LRP4: variants seen among roughly 807,000 people sequenced by gnomAD.
LRP4 encodes the protein LDL receptor related protein 4.
Under a neutral mutation model 220.3 loss-of-function variants are expected in LRP4, and 95 were observed. The ratio of observed to expected loss-of-function variants is 0.43; its 90% CI spans 0.37 to 0.51. LRP4 has a LOEUF of 0.51. Ranked by LOEUF, LRP4 falls within the 20% of genes least tolerant of loss-of-function variation. The probability of loss-of-function intolerance (pLI) is 0.00; values close to 1 mark genes in which losing one functional copy is unlikely to be tolerated. For missense variants in LRP4, 1,925 were observed against 2,567.0 expected (o/e 0.75, Z 5.40); for synonymous variants, 903 against 954.6 (o/e 0.95, Z 1.00).
intron 34 of LRP4, among the ~76,000 whole-genome samples, chr11:46,866,293 T>C (rs952031075): frequency 1.3e-5 from 2 of 150,608 alleles, no homozygotes; most frequent in African/African-American, 4.9e-5. Context: ...TGTTTTTTGT[T>C]TTTTTTTTGA....
At chr11:46,903,354 G>T (rs1941704013) in intron 1 of LRP4, among the ~76,000 whole-genome samples, 1 of 152,064 alleles carries the variant, frequency 6.6e-6, no homozygotes, top group Admixed American at 6.6e-5. Flanking sequence ...ATTAGCTGAG[G>T]GTAGTGGCAT....
At position 46,899,349 on chromosome 11, in the gene LRP4, T is replaced by A; in HGVS notation, c.547+38A>T. The A allele has an allele frequency of 6.6e-7, 1 of 1,511,282 alleles. No individual in the cohort carries two copies. Among genetic ancestry groups the A allele is most frequent in the Non-Finnish European group, 9.2e-7 (1 of 1,086,428 alleles). 93.6% of individuals were successfully genotyped at this position (1,511,282 alleles called of 1,614,324 possible). A position where few individuals can be genotyped will look rare whatever the true frequency, so the allele number is the denominator to read the frequency against. On this transcript the variant is annotated intron_variant, in intron 5 of 37. Coordinates refer to ENST00000378623, the MANE Select transcript of LRP4 (RefSeq NM_002334.4). This position sits in a 1 kb window ranked among gnomAD's most constrained non-coding sequence, Gnocchi z 5.9. ...AGCCAATGGGCAGAACTGTCTGCCC[T>A]CATCCAACCCAACAGCCTGAGGTCT...
At chr11:46,882,471 G>C (rs780980587) in intron 19 of LRP4, among the ~76,000 whole-genome samples, 4 of 149,902 alleles carry the variant, frequency 2.7e-5, no homozygotes, top group Non-Finnish European at 5.9e-5. Context: ...GTGAGACTCT[G>C]TTTCAAAAAA....
At chr11:46,893,943 G>A (rs910230561) in intron 12 of LRP4, among the ~76,000 whole-genome samples, 5 of 148,006 alleles carry the variant, frequency 3.4e-5, no homozygotes, top group Non-Finnish European at 7.4e-5. Flanking sequence ...CTAGGCTGAA[G>A]TACAATGGCG....
At chr11:46,867,288 T>C (rs1227477646) in intron 34 of LRP4, among the ~76,000 whole-genome samples, 1 of 152,174 alleles carries the variant, frequency 6.6e-6, no homozygotes, top group East Asian at 1.9e-4. Context: ...TGGGGAAACC[T>C]TTTTGTTCCA....
chr11:46,898,842 T>C, intron 6 of LRP4, 62 bp downstream of exon 6: 10 of 1,612,358 alleles, frequency 6.2e-6, no homozygotes, highest in Non-Finnish European at 8.5e-6. Flanking sequence ...GACTGTGCCT[T>C]GCCACCCAAG....
intron 7 of LRP4, 110 bp from the exon 8 acceptor site, chr11:46,897,104 G>A (rs1053170110): frequency 7.3e-7 from 1 of 1,372,898 alleles, no homozygotes; most frequent in African/African-American, 1.4e-5. Flanking sequence ...TTGACACCGG[G>A]ATCACAGCTG....
At chr11:46,902,553 A>G (rs1941686992) in intron 2 of LRP4, among the ~76,000 whole-genome samples, 1 of 152,194 alleles carries the variant, frequency 6.6e-6, no homozygotes, top group Admixed American at 6.5e-5. Flanking sequence ...CGTGTTGTCA[A>G]GTTTGTTTTC....
chr11:46,858,927 G>T lies in LRP4; in HGVS notation c.*56C>A. 6.5e-7 allele frequency: 1 copy of T among 1,531,910 alleles called. No individual in the cohort carries two copies. The highest frequency in any genetic ancestry group is 9.0e-7 in the Non-Finnish European group (1 of 1,107,106). The allele number at this position is 1,531,910 out of a possible 1,614,324, so 94.9% of individuals were successfully genotyped here. On this transcript the variant is annotated 3_prime_UTR_variant, in exon 38 of 38. Transcript: ENST00000378623. ...GGCCTGCGGTGTAAGCGAGCACAAG[G>T]ACTAGACGTCCATAAAGGAGAAGGA...
In LRP4 at chr11:46,890,526, C is replaced by T. The variant is rs1334831269; in HGVS notation, c.1698-32G>A. On this transcript the variant is annotated intron_variant, in intron 13 of 37. Coordinates refer to ENST00000378623, the MANE Select transcript of LRP4 (RefSeq NM_002334.4). The surrounding 1 kb of genome is among the most constrained non-coding windows in gnomAD (Gnocchi z 5.3). ...AGAGAAAAGTAAATTGGGAAGTGGG[C>T]AGCAGAAAACAGGTAGGTAACCAGG... 1 of 1,459,038 alleles carries T rather than the reference C, an allele frequency of 6.9e-7. No individual in the cohort carries two copies. Among genetic ancestry groups the T allele is most frequent in the East Asian group, 2.3e-5 (1 of 44,048 alleles). 90.4% of individuals were successfully genotyped at this position (1,459,038 alleles called of 1,614,324 possible).
chr11:46,883,402 AT>A, intron 19 of LRP4, among the ~76,000 whole-genome samples: 1 of 152,376 alleles, frequency 6.6e-6, no homozygotes, highest in Non-Finnish European at 1.5e-5. Context: ...GCTTAAAGGC[AT>A]TTTTAAGCCA....
Position 46,868,997 on chromosome 11 carries a change from G to A in LRP4, c.4828C>T (p.Arg1610Trp), listed in dbSNP as rs1322703272. The A allele has an allele frequency of 7.4e-6, 12 of 1,614,012 alleles. No homozygotes were observed. The highest frequency in any genetic ancestry group is 9.3e-6 in the Non-Finnish European group (11 of 1,180,030). The change falls in exon 32 of 38, where the codon CGG becomes TGG. Residue 1610 changes from arginine to tryptophan, a missense_variant. By Grantham distance (101) the Arg-to-Trp change is moderately radical (BLOSUM62 -3). Transcript: ENST00000378623. Reference sequence around the variant, plus strand: ...GTACCCGGGAGCCCACCTGTCTGCCGCTGAGGGGAAACCACGATGATATCC... The same window carrying A: ...GTACCCGGGAGCCCACCTGTCTGCCACTGAGGGGAAACCACGATGATATCC... Reference protein sequence around the residue: ...LMDIIVVSPQRQTGTNACGVN... With the variant: ...LMDIIVVSPQWQTGTNACGVN...
chr11:46,896,339 G>T lies in LRP4; in HGVS notation c.923-4C>A, dbSNP rs1457095401. On this transcript the variant is annotated splice_region_variant and splice_polypyrimidine_tract_variant and intron_variant, in intron 8 of 37. Transcript: ENST00000378623. ...TCCAAGGCACATTGGGGGCTTCCTA[G>T]AGAGATGGAGGGTCAGGTCATAGCA... 1.2e-6 allele frequency: 2 copies of T among 1,613,354 alleles called. No homozygotes were observed. Among genetic ancestry groups the T allele is most frequent in the Middle Eastern group, 1.6e-4 (1 of 6,062 alleles).
At chr11:46,896,774 C>T in intron 8 of LRP4, 95 bp downstream of exon 8, 1 of 1,590,404 alleles carries the variant, frequency 6.3e-7, no homozygotes. Flanking sequence ...CTGGTAAAAC[C>T]TCAACCCAAC....
At chr11:46,900,123 A>C in intron 3 of LRP4, 139 bp downstream of exon 3, 1 of 955,436 alleles carries the variant, frequency 1.0e-6, no homozygotes, top group Non-Finnish European at 1.7e-6. Flanking sequence ...AGCTTATCTG[A>C]CTTCGAGAGG....
At position 46,875,330 on chromosome 11, in the gene LRP4, G is replaced by A. The variant is rs1040208525; in HGVS notation, c.3925+126C>T. The A allele has an allele frequency of 1.0e-6, 1 of 966,328 alleles. No individual in the cohort carries two copies. The highest frequency in any genetic ancestry group is 1.6e-6 in the Non-Finnish European group (1 of 626,086). The allele number at this position is 966,328 out of a possible 1,614,324, so 59.9% of individuals were successfully genotyped here. ...AGAGAACACAGCCCAATCTGGAAGG[G>A]AGCTTAAACAGGTCACCGTCTTTCT... On this transcript the variant is annotated intron_variant, in intron 27 of 37. Transcript: ENST00000378623. This position sits in a 1 kb window ranked among gnomAD's most constrained non-coding sequence, Gnocchi z 4.5.
intron 22 of LRP4, among the ~76,000 whole-genome samples, chr11:46,877,879 T>C (rs1242383173): frequency 6.6e-6 from 1 of 152,182 alleles, no homozygotes; most frequent in Non-Finnish European, 1.5e-5. Flanking sequence ...CTCACACATA[T>C]TCATAAATAA....
At chr11:46,912,134 G>A (rs1490864199) in intron 1 of LRP4, among the ~76,000 whole-genome samples, 3 of 152,144 alleles carry the variant, frequency 2.0e-5, no homozygotes, top group Non-Finnish European at 2.9e-5. Flanking sequence ...GATTACAGGC[G>A]TTAGCCATCG....
intron 13 of LRP4, 80 bp downstream of exon 13, chr11:46,892,893 C>A: frequency 6.5e-7 from 1 of 1,542,000 alleles, no homozygotes; most frequent in South Asian, 1.2e-5. Context: ...AGGATGTACT[C>A]CCAGAATGTC....
Sources: gnomAD v4.1 joint callset for allele counts (sites outside exome capture counted in the v4.1 genomes callset) on GRCh38, gnomAD v4.1.1 for gene constraint, Gnocchi (gnomAD v3.1) non-coding constraint, MANE v1.5 for transcripts, NCBI Gene and HGNC (gene_info 2026-07-23, HGNC 2026-07-21) for gene names.